Variants in GNA11 observed in about 807,000 individuals in gnomAD.
The protein encoded by GNA11 is G protein subunit alpha 11, also known as guanine nucleotide-binding protein subunit alpha-11.
Under a neutral mutation model 38.2 loss-of-function variants are expected in GNA11, and 8 were observed. That is an observed-to-expected ratio of 0.21 (90% CI 0.12 to 0.38). GNA11 has a LOEUF of 0.38. Among genes scored for constraint, GNA11 ranks in the 10% least tolerant of loss-of-function variants. GNA11 has a pLI of 1.00. For missense variants in GNA11, 268 were observed against 516.3 expected (o/e 0.52, Z 4.66); for synonymous variants, 211 against 221.4 (o/e 0.95, Z 0.42).
In GNA11 at chr19:3,113,442, A is replaced by T. The variant is rs2145318829; in HGVS notation, c.434A>T (p.Tyr145Phe). The T allele has an allele frequency of 1.2e-6, 2 of 1,612,398 alleles. No individual in the cohort carries two copies. The highest frequency in any genetic ancestry group is 1.7e-6 in the Non-Finnish European group (2 of 1,179,180). ...LWEDPGIQEC[Y>F]DRRREYQLSD... ...GAGGACCCGGGCATCCAGGAATGCT[A>T]CGACCGCAGGCGCGAGTACCAGCTC... Residue 145 changes from tyrosine to phenylalanine, a missense_variant, in exon 3 of 7, where the codon TAC becomes TTC. Physicochemically the swap from Tyr to Phe is conservative, Grantham distance 22 (BLOSUM62 3). This residue lies in a region of GNA11 where 151 missense variants were observed against 254.0 expected (regional missense o/e 0.59). Transcript: ENST00000078429.
In GNA11 at chr19:3,119,029, A is replaced by G; in HGVS notation, c.711A>G (p.Gln237=). 1 of 1,613,918 alleles carries G rather than the reference A, an allele frequency of 6.2e-7. No homozygotes were observed. The highest frequency in any genetic ancestry group is 2.2e-5 in the East Asian group (1 of 44,866). The change falls in exon 5 of 7, where the codon CAA becomes CAG. Residue 237 remains glutamine (Q), a synonymous_variant. Transcript: ENST00000078429. This position sits in a 1 kb window ranked among gnomAD's most constrained non-coding sequence, Gnocchi z 4.6. The part of the protein sequence containing the change: ...MFLVALSEYD[Q]VLVESDNENR... ...TCGTCGCCCTCAGCGAATACGACCA[A>G]GTCCTGGTGGAGTCGGACAACGAGG... is the stretch of plus-strand genomic sequence containing the variant.
chr19:3,112,501 C>T (rs971877628), intron 2 of GNA11, among the ~76,000 whole-genome samples: 7 of 152,204 alleles, frequency 4.6e-5, no homozygotes, highest in Admixed American at 3.3e-4. Context: ...CTGTGCGCCC[C>T]GGGGACGGGG....
chr19:3,098,910 TATG>T (rs1409531431), intron 1 of GNA11, among the ~76,000 whole-genome samples: 1 of 152,134 alleles, frequency 6.6e-6, no homozygotes, highest in African/African-American at 2.4e-5. Context: ...TGTAATCAGT[TATG>T]ATGATTGTGG....
At position 3,113,316 on chromosome 19, in the gene GNA11, G is replaced by T. The variant is rs746536792; in HGVS notation, c.322-14G>T. On this transcript the variant is annotated splice_polypyrimidine_tract_variant and intron_variant, in intron 2 of 6. Transcript: ENST00000078429. ...CCAGCGAGCTCTCGACGTCTCCCCT[G>T]CCCGCCCTCGCAGGCCAATGCGCTC... 1 of 1,609,322 alleles carries T rather than the reference G, an allele frequency of 6.2e-7. No individual in the cohort carries two copies. Among genetic ancestry groups the T allele is most frequent in the Admixed American group, 1.7e-5 (1 of 59,896 alleles).
At chr19:3,096,788 C>T (rs892021797) in intron 1 of GNA11, among the ~76,000 whole-genome samples, 13 of 150,872 alleles carry the variant, frequency 8.6e-5, no homozygotes, top group African/African-American at 2.7e-4. Context: ...CAGGGCCAGG[C>T]GTGGCAGATA....
intron 1 of GNA11, among the ~76,000 whole-genome samples, chr19:3,102,120 CA>C (rs1256137817): frequency 1.3e-5 from 2 of 150,074 alleles, no homozygotes; most frequent in African/African-American, 5.0e-5. Flanking sequence ...ACAAACAAAA[CA>C]AAACAAACAA....
chr19:3,101,836 G>A (rs752106904), intron 1 of GNA11, among the ~76,000 whole-genome samples: 3 of 152,188 alleles, frequency 2.0e-5, no homozygotes, highest in African/African-American at 4.8e-5. Context: ...GCTCATGCCT[G>A]TAATCCAAGT....
chr19:3,103,956 A>T (rs1913572053), intron 1 of GNA11, among the ~76,000 whole-genome samples: 1 of 152,122 alleles, frequency 6.6e-6, no homozygotes, highest in African/African-American at 2.4e-5. Context: ...AAGTGCCGGG[A>T]TTACAGGTGT....
chr19:3,115,365 A>G (rs1428197490), intron 4 of GNA11: 2 of 338,372 alleles, frequency 5.9e-6, no homozygotes, highest in Non-Finnish European at 1.1e-5. Flanking sequence ...TGATGGCACC[A>G]CTGGACTCCA....
chr19:3,095,433 CA>C (rs1489672064), intron 1 of GNA11, among the ~76,000 whole-genome samples: 1 of 152,068 alleles, frequency 6.6e-6, no homozygotes, highest in Non-Finnish European at 1.5e-5. Context: ...ACTCACCCCT[CA>C]CTGCTCAGGG....
intron 1 of GNA11, among the ~76,000 whole-genome samples, chr19:3,100,953 C>T (rs189873348): frequency 5.8e-4 from 88 of 152,296 alleles, no homozygotes; most frequent in Non-Finnish European, 9.3e-4. Context: ...TAACCCTGGG[C>T]GGTGGTGCTC....
chr19:3,113,739 C>T (rs528445165), intron 3 of GNA11, among the ~76,000 whole-genome samples: 33 of 152,340 alleles, frequency 2.2e-4, no homozygotes, highest in African/African-American at 7.7e-4. Flanking sequence ...GCTGCCCTCC[C>T]TGGGTCAGGA....
At chr19:3,106,416 G>T (rs1220424443) in intron 1 of GNA11, among the ~76,000 whole-genome samples, 1 of 152,240 alleles carries the variant, frequency 6.6e-6, no homozygotes, top group African/African-American at 2.4e-5. Context: ...TAGTCACGTT[G>T]CCTGGCTTGA....
rs1026282819 is a variant in GNA11 at position 3,121,561 on chromosome 19, C to T, written c.*382C>T. On this transcript the variant is annotated 3_prime_UTR_variant, in exon 7 of 7. Coordinates refer to ENST00000078429, the MANE Select transcript of GNA11 (RefSeq NM_002067.5). Reference sequence around the variant, plus strand: ...GCCTCACAGAGCCCCCGCCAGCCAGCATGGGGCCCCGCCCTGCAGCCAGTC... The same window carrying T: ...GCCTCACAGAGCCCCCGCCAGCCAGTATGGGGCCCCGCCCTGCAGCCAGTC... 4 of 236,488 alleles carry T rather than the reference C, an allele frequency of 1.7e-5. No individual in the cohort carries two copies. The highest frequency in any genetic ancestry group is 2.5e-5 in the Non-Finnish European group (3 of 120,328). The allele number at this position is 236,488 out of a possible 1,614,324, so 14.6% of individuals were successfully genotyped here. A position where few individuals can be genotyped will look rare whatever the true frequency, so the allele number is the denominator to read the frequency against.
At chr19:3,104,847 C>T (rs1913600061) in intron 1 of GNA11, among the ~76,000 whole-genome samples, 1 of 152,214 alleles carries the variant, frequency 6.6e-6, no homozygotes, top group African/African-American at 2.4e-5. Flanking sequence ...TGGGCGCTTC[C>T]TGAACGCCGG....
In GNA11 at chr19:3,113,480, A is replaced by G. The variant is rs750766195; in HGVS notation, c.472A>G (p.Lys158Glu). ...CGAGTACCAGCTCTCCGACTCTGCC[A>G]AGTAGTAAGTGCGGCCGCACCGCTG... ...RREYQLSDSA[K>E]YYLTDVDRIA... The change falls in exon 3 of 7, where the codon AAG (lysine) becomes GAG (glutamate). Residue 158 changes from lysine to glutamate, a missense_variant. By Grantham distance (56) the Lys-to-Glu change is moderately conservative. Transcript: ENST00000078429. 1.3e-6 allele frequency: 2 copies of G among 1,596,578 alleles called. No homozygotes were observed. The highest frequency in any genetic ancestry group is 1.1e-5 in the South Asian group (1 of 89,246).
chr19:3,114,465 AC>A (rs1913855588), intron 3 of GNA11, among the ~76,000 whole-genome samples: 1 of 152,134 alleles, frequency 6.6e-6, no homozygotes, highest in African/African-American at 2.4e-5. Context: ...GCACCCACGT[AC>A]AGGGAGCAGC....
At position 3,110,341 on chromosome 19, in the gene GNA11, C is replaced by G. The variant is rs546306678; in HGVS notation, c.321+8C>G. On this transcript the variant is annotated splice_region_variant and intron_variant, in intron 2 of 6. Coordinates refer to ENST00000078429, the MANE Select transcript of GNA11 (RefSeq NM_002067.5). This position sits in a 1 kb window ranked among gnomAD's most constrained non-coding sequence, Gnocchi z 5.4. Reference sequence around the variant, plus strand: ...AAGTACGAGCAGAACAAGGTGAGCCCGCGGGCGCCTGGGGAGGGGAGCGCC... The same window carrying G: ...AAGTACGAGCAGAACAAGGTGAGCCGGCGGGCGCCTGGGGAGGGGAGCGCC... 139 of 1,602,888 alleles carry G rather than the reference C, an allele frequency of 8.7e-5. 2 individuals carry two copies. The South Asian group carries it at 1.4e-3, about 17-fold the overall frequency.
chr19:3,097,701 G>A (rs1913407422), intron 1 of GNA11, among the ~76,000 whole-genome samples: 1 of 152,230 alleles, frequency 6.6e-6, no homozygotes, highest in African/African-American at 2.4e-5. Flanking sequence ...GAGCTGGACG[G>A]GGCTCCGGCT....
Sources: gnomAD v4.1 joint callset for allele counts (sites outside exome capture counted in the v4.1 genomes callset) on GRCh38, gnomAD v4.1.1 for gene constraint, gnomAD v4.1.1 regional missense constraint, Gnocchi (gnomAD v3.1) non-coding constraint, MANE v1.5 for transcripts, NCBI Gene and HGNC (gene_info 2026-07-23, HGNC 2026-07-21) for gene names.